The following COXFA4L2 variants were observed in gnomAD, a reference collection of about 807,000 sequenced individuals.
COXFA4L2 encodes the protein NADH dehydrogenase (ubiquinone) 1 alpha subcomplex, 4-like 2.
chr12:57,236,620 C>G, the COXFA4L2 span: 2 of 1,585,056 alleles, frequency 1.3e-6, no homozygotes, highest in South Asian at 2.3e-5. Flanking sequence ...AAGGGCGAGT[C>G]GCAGCAAGTA....
chr12:57,237,089 G>C, the COXFA4L2 span: 42 of 1,614,194 alleles, frequency 2.6e-5, no homozygotes, highest in East Asian at 7.6e-4. Flanking sequence ...CTGCCATATC[G>C]TTGTTTTCCC....
chr12:57,238,072 T>C, the COXFA4L2 span, among the ~76,000 whole-genome samples: 16 of 152,066 alleles, frequency 1.1e-4, no homozygotes, highest in East Asian at 2.3e-3. The surrounding 1 kb of genome is among the most constrained non-coding windows in gnomAD (Gnocchi z 6.8). Context: ...CTAATATCTC[T>C]CCCCACTCCC....
chr12:57,237,028 C>A, the COXFA4L2 span: 1 of 1,614,186 alleles, frequency 6.2e-7, no homozygotes, highest in South Asian at 1.1e-5. Flanking sequence ...TGAGGACTCA[C>A]CCCCGGATGT....
chr12:57,238,324 C>G, the COXFA4L2 span, among the ~76,000 whole-genome samples: 2 of 152,176 alleles, frequency 1.3e-5, no homozygotes, highest in Non-Finnish European at 2.9e-5. This position sits in a 1 kb window ranked among gnomAD's most constrained non-coding sequence, Gnocchi z 6.8. Flanking sequence ...GTCCCGGGCT[C>G]TCCGCCTCAC....
the COXFA4L2 span, chr12:57,237,916 G>C: frequency 6.5e-6 from 1 of 154,490 alleles, no homozygotes; most frequent in African/African-American, 2.4e-5. Context: ...GACAGATGCT[G>C]AAAGAGAACA....
the COXFA4L2 span, among the ~76,000 whole-genome samples, chr12:57,238,380 A>G: frequency 6.6e-6 from 1 of 151,890 alleles, no homozygotes; most frequent in African/African-American, 2.4e-5. This position sits in a 1 kb window ranked among gnomAD's most constrained non-coding sequence, Gnocchi z 6.8. Flanking sequence ...GCGAGAACAA[A>G]GAGACAGAGA....
At chr12:57,236,043 T>C in the COXFA4L2 span, 1 of 412,436 alleles carries the variant, frequency 2.4e-6, no homozygotes, top group East Asian at 3.5e-5. Context: ...CGTGACAAAC[T>C]GACAACGGGG....
chr12:57,237,372 G>C, the COXFA4L2 span: 1 of 1,367,364 alleles, frequency 7.3e-7, no homozygotes, highest in East Asian at 2.8e-5. Context: ...GGGGCTTCTG[G>C]CATCTGAGGG....
the COXFA4L2 span, chr12:57,236,101 G>A: frequency 7.9e-6 from 3 of 379,960 alleles, no homozygotes; most frequent in Non-Finnish European, 1.4e-5. Context: ...AACCCTAAGA[G>A]CAGAGTCGTG....
At chr12:57,236,796 C>A in the COXFA4L2 span, 1 of 1,003,248 alleles carries the variant, frequency 1.0e-6, no homozygotes, top group Non-Finnish European at 1.5e-6. Context: ...TGCTCCCTCC[C>A]TGGAATCTCC....
At chr12:57,237,445 C>G in the COXFA4L2 span, 1 of 897,192 alleles carries the variant, frequency 1.1e-6, no homozygotes, top group South Asian at 2.2e-5. Context: ...GGGACAGGCA[C>G]TTAGCAAAAT....
chr12:57,240,194 A>G, the COXFA4L2 span: 2 of 152,114 alleles, frequency 1.3e-5, no homozygotes, highest in South Asian at 4.2e-4. Context: ...AGCCAGACAG[A>G]AGCGGAGCCG....
At chr12:57,237,306 T>C in the COXFA4L2 span, 4 of 1,426,000 alleles carry the variant, frequency 2.8e-6, no homozygotes, top group East Asian at 5.1e-5. Context: ...TGGTTTCTGC[T>C]CTCCGACTCT....
At chr12:57,236,787 G>C in the COXFA4L2 span, 1 of 1,045,912 alleles carries the variant, frequency 9.6e-7, no homozygotes, top group Non-Finnish European at 1.4e-6. Flanking sequence ...CGGGTCTGGT[G>C]CTCCCTCCCT....
the COXFA4L2 span, among the ~76,000 whole-genome samples, chr12:57,238,250 T>G: frequency 6.6e-6 from 1 of 152,062 alleles, no homozygotes; most frequent in Non-Finnish European, 1.5e-5. This position sits in a 1 kb window ranked among gnomAD's most constrained non-coding sequence, Gnocchi z 6.8. Context: ...CGCCTCCCTT[T>G]CCTTCTCGCT....
chr12:57,239,034 C>G, the COXFA4L2 span, among the ~76,000 whole-genome samples: 1 of 152,378 alleles, frequency 6.6e-6, no homozygotes, highest in South Asian at 2.1e-4. This position sits in a 1 kb window ranked among gnomAD's most constrained non-coding sequence, Gnocchi z 5.5. Context: ...TCAGGCCACG[C>G]TGGCCCAGCG....
the COXFA4L2 span, chr12:57,236,268 G>A: frequency 2.7e-6 from 1 of 365,926 alleles, no homozygotes; most frequent in Non-Finnish European, 4.9e-6. Context: ...AGCTCACCCG[G>A]CCACAACCCC....
At chr12:57,238,527 A>T in the COXFA4L2 span, among the ~76,000 whole-genome samples, 1 of 152,258 alleles carries the variant, frequency 6.6e-6, no homozygotes, top group African/African-American at 2.4e-5. The surrounding 1 kb of genome is among the most constrained non-coding windows in gnomAD (Gnocchi z 6.8). Flanking sequence ...CGCGCACCCC[A>T]GCCCTCCAGT....
the COXFA4L2 span, chr12:57,237,237 G>T: frequency 5.4e-6 from 8 of 1,494,014 alleles, no homozygotes; most frequent in Non-Finnish European, 6.2e-6. Flanking sequence ...CCCCAACTTA[G>T]CTCACTTTCT....
Sources: allele counts gnomAD v4.1 joint callset (sites outside exome capture counted in the v4.1 genomes callset), GRCh38; gene constraint gnomAD v4.1.1; non-coding constraint Gnocchi (gnomAD v3.1); transcripts MANE v1.5; gene names NCBI Gene and HGNC (gene_info 2026-07-23, HGNC 2026-07-21).